NPAS3: variants seen among roughly 807,000 people sequenced by gnomAD.
NPAS3 encodes the protein neuronal PAS domain-containing protein 3.
A neutral mutation model predicts 73.1 loss-of-function variants in NPAS3; 14 were observed. That is an observed-to-expected ratio of 0.19 (90% confidence interval 0.13 to 0.30). The LOEUF (loss-of-function observed/expected upper bound fraction) is 0.30. Ranked by LOEUF, NPAS3 falls within the 10% of genes least tolerant of loss-of-function variation. NPAS3 has a pLI of 1.00. For synonymous variants in NPAS3, 620 were observed against 541.5 expected (o/e 1.14, Z -2.01); for missense variants, 1,096 against 1,250.0 (o/e 0.88, Z 1.86).
intron 3 of NPAS3, among the ~76,000 whole-genome samples, chr14:33,260,434 C>T (rs768856899): frequency 6.6e-6 from 1 of 151,950 alleles, no homozygotes; most frequent in Non-Finnish European, 1.5e-5. Flanking sequence ...AAGTCTTACA[C>T]TGGAGTTATG....
chr14:33,324,044 G>A, intron 3 of NPAS3, among the ~76,000 whole-genome samples: 1 of 152,226 alleles, frequency 6.6e-6, no homozygotes, highest in Admixed American at 6.5e-5. Flanking sequence ...AATGGTTCCT[G>A]CAGCTTTTAC....
At chr14:33,423,080 G>A (rs934190503) in intron 4 of NPAS3, among the ~76,000 whole-genome samples, 3 of 151,974 alleles carry the variant, frequency 2.0e-5, no homozygotes, top group Non-Finnish European at 4.4e-5. Flanking sequence ...CCTGCCTCCT[G>A]TGTTTAAGTA....
At chr14:33,769,232 A>T (rs1447360780) in intron 7 of NPAS3, among the ~76,000 whole-genome samples, 1 of 152,230 alleles carries the variant, frequency 6.6e-6, no homozygotes, top group African/African-American at 2.4e-5. Flanking sequence ...AGAAAAAAAA[A>T]TAACCTTCCA....
intron 5 of NPAS3, among the ~76,000 whole-genome samples, chr14:33,645,753 T>A (rs2058811628): frequency 6.6e-6 from 1 of 152,222 alleles, no homozygotes; most frequent in Non-Finnish European, 1.5e-5. Context: ...CTTGTCATCC[T>A]GTGTGCCTAA....
Position 33,619,372 on chromosome 14 carries a change from C to T in NPAS3, c.559-56839C>T, listed in dbSNP as rs946268924. On this transcript the variant is annotated intron_variant, in intron 5 of 11. Transcript: ENST00000356141. ...TTCTCTGTTCCTGAAGTAGACTGGA[C>T]GAATAGGTTAGCCCATTATTGCTTG... 2.5e-4 allele frequency among the ~76,000 whole-genome samples: 38 copies of T among 151,756 alleles called. 1 individual carries two copies. Among genetic ancestry groups the T allele is most frequent in the African/African-American group, 1.2e-4 (5 of 41,294 alleles).
At chr14:33,519,598 A>G (rs1349802207) in intron 4 of NPAS3, among the ~76,000 whole-genome samples, 1 of 152,148 alleles carries the variant, frequency 6.6e-6, no homozygotes, top group African/African-American at 2.4e-5. Context: ...CGGTCTGCGC[A>G]TATGTAAAGT....
At chr14:33,764,701 G>A (rs1044717113) in intron 7 of NPAS3, among the ~76,000 whole-genome samples, 1 of 152,218 alleles carries the variant, frequency 6.6e-6, no homozygotes, top group Admixed American at 6.5e-5. Context: ...GCCTCAGGGG[G>A]CTATGAAGGG....
intron 5 of NPAS3, among the ~76,000 whole-genome samples, chr14:33,641,032 C>G (rs1225485220): frequency 6.6e-6 from 1 of 152,090 alleles, no homozygotes; most frequent in South Asian, 2.1e-4. Flanking sequence ...TTTTTAGTAT[C>G]TTCTGTATAC....
intron 4 of NPAS3, among the ~76,000 whole-genome samples, chr14:33,539,820 A>G (rs529697653): frequency 1.3e-5 from 2 of 152,290 alleles, no homozygotes; most frequent in African/African-American, 4.8e-5. Flanking sequence ...GCAGGCTAAT[A>G]AGGTCACTGT....
chr14:33,121,950 T>G (rs1405173808), intron 2 of NPAS3, among the ~76,000 whole-genome samples: 3 of 152,160 alleles, frequency 2.0e-5, no homozygotes, highest in African/African-American at 7.2e-5. Flanking sequence ...AACACATAAC[T>G]TTCCATGAGT....
chr14:33,633,281 G>C (rs978995734), intron 5 of NPAS3, among the ~76,000 whole-genome samples: 1 of 151,980 alleles, frequency 6.6e-6, no homozygotes, highest in Non-Finnish European at 1.5e-5. Context: ...TGATGCCCTC[G>C]AATGCAAACT....
chr14:33,798,571 G>T (rs2063582073), intron 11 of NPAS3, among the ~76,000 whole-genome samples: 1 of 152,046 alleles, frequency 6.6e-6, no homozygotes, highest in African/African-American at 2.4e-5. Flanking sequence ...CCTTCTTGAG[G>T]GCACCTGTGC....
rs138214077 is a variant in NPAS3, at chr14:33,252,353, C to A, written c.385+36927C>A. ...TAATTAGCTGAATGAAGACTCAACT[C>A]AGGGTAGATGTCTTCTCTAGGTTTG... On this transcript the variant is annotated intron_variant, in intron 3 of 11. Coordinates refer to ENST00000356141, the Ensembl canonical transcript of NPAS3. Among the ~76,000 whole-genome samples the A allele has an allele frequency of 3.3e-5, 5 of 151,970 alleles. 1 individual carries two copies. The highest frequency in any genetic ancestry group is 1.2e-4 in the African/African-American group (5 of 41,454).
chr14:32,935,558 T>C (rs1193886857), upstream of NPAS3, among the ~76,000 whole-genome samples: 1 of 152,252 alleles, frequency 6.6e-6, no homozygotes, highest in East Asian at 1.9e-4. Flanking sequence ...CTGTTAAGTA[T>C]TCATCTTAAA....
intron 2 of NPAS3, among the ~76,000 whole-genome samples, chr14:33,159,798 C>T (rs567215807): frequency 1.4e-4 from 21 of 152,208 alleles, no homozygotes; most frequent in African/African-American, 4.8e-4. Flanking sequence ...CGTGATCCAC[C>T]TGCCTCGGCC....
chr14:33,374,768 A>G (rs1040558814), intron 4 of NPAS3, among the ~76,000 whole-genome samples: 8 of 152,052 alleles, frequency 5.3e-5, no homozygotes, highest in Admixed American at 3.9e-4. Flanking sequence ...ATATGCCAGA[A>G]GAAAATGAAA....
chr14:33,036,995 CTT>C (rs1404816611), intron 1 of NPAS3, among the ~76,000 whole-genome samples: 5 of 152,100 alleles, frequency 3.3e-5, no homozygotes, highest in African/African-American at 1.2e-4. Context: ...TTATCATCCT[CTT>C]ATTAGTTTTG....
intron 3 of NPAS3, among the ~76,000 whole-genome samples, chr14:33,227,866 G>A (rs1050028057): frequency 3.3e-5 from 5 of 152,108 alleles, no homozygotes; most frequent in African/African-American, 1.2e-4. Flanking sequence ...TAATCATCCC[G>A]GTCATTTTAA....
intron 4 of NPAS3, among the ~76,000 whole-genome samples, chr14:33,386,804 T>A (rs745985731): frequency 7.9e-5 from 12 of 152,298 alleles, no homozygotes; most frequent in Non-Finnish European, 1.5e-4. Flanking sequence ...CTAACAGTGA[T>A]TGACGTTAAT....
Sources: allele counts gnomAD v4.1 joint callset (sites outside exome capture counted in the v4.1 genomes callset), GRCh38; gene constraint gnomAD v4.1.1; transcripts MANE v1.5; gene names NCBI Gene and HGNC (gene_info 2026-07-23, HGNC 2026-07-21).